Variants in GPD2 observed in about 807,000 individuals in gnomAD.
GPD2 encodes the protein glycerol-3-phosphate dehydrogenase 2.
A neutral mutation model predicts 82.4 loss-of-function variants in GPD2; 54 were observed. The observed-to-expected ratio is 0.66, with a 90% confidence interval of 0.53 to 0.82. The LOEUF is 0.82. Among genes scored for constraint, GPD2 ranks in the 40% least tolerant of loss-of-function variants. The pLI, the probability that GPD2 is intolerant of heterozygous loss-of-function variation, is 0.00. For synonymous variants in GPD2, 288 were observed against 306.1 expected (o/e 0.94, Z 0.62); for missense variants, 748 against 896.2 (o/e 0.83, Z 2.11).
intron 1 of GPD2, among the ~76,000 whole-genome samples, chr2:156,464,559 C>G (rs1236870483): frequency 6.6e-6 from 1 of 152,172 alleles, no homozygotes; most frequent in East Asian, 1.9e-4. Flanking sequence ...GTCTTCCCAC[C>G]ACAGCGCACT....
At position 156,584,791 on chromosome 2, in the gene GPD2, A is replaced by T. The variant is rs1688156404; in HGVS notation, c.*1873A>T. 1 of 152,444 alleles carries T rather than the reference A, an allele frequency of 6.6e-6. No individual in the cohort carries two copies. Among genetic ancestry groups the T allele is most frequent in the South Asian group, 2.1e-4 (1 of 4,836 alleles). 9.4% of individuals were successfully genotyped at this position (152,444 alleles called of 1,614,324 possible). On this transcript the variant is annotated 3_prime_UTR_variant, in exon 17 of 17. Transcript: ENST00000438166. ...GTTTCATTGTTTAGAACCCAGTGAC[A>T]CTTAATAGGTAGATAAATTGTCCTT...
At chr2:156,533,862 A>C (rs951701096) in intron 6 of GPD2, among the ~76,000 whole-genome samples, 2 of 152,208 alleles carry the variant, frequency 1.3e-5, no homozygotes, top group African/African-American at 2.4e-5. Context: ...TGCAGGAGCC[A>C]GGGTGAGCGC....
intron 1 of GPD2, among the ~76,000 whole-genome samples, chr2:156,447,896 A>C (rs569913965): frequency 6.6e-6 from 1 of 152,158 alleles, no homozygotes; most frequent in Non-Finnish European, 1.5e-5. Flanking sequence ...CCCTGATTTC[A>C]GTCAATCCCA....
chr2:156,527,689 CA>C (rs1234220828), intron 6 of GPD2, among the ~76,000 whole-genome samples: 1 of 151,904 alleles, frequency 6.6e-6, no homozygotes, highest in East Asian at 1.9e-4. Flanking sequence ...ATAATGAAAG[CA>C]ACTACCAAAT....
intron 8 of GPD2, among the ~76,000 whole-genome samples, chr2:156,556,974 T>C (rs887304935): frequency 6.6e-6 from 1 of 152,204 alleles, no homozygotes; most frequent in African/African-American, 2.4e-5. Flanking sequence ...GAAAATACTT[T>C]GGCTATTCTT....
At chr2:156,505,597 C>T (rs555332681) in intron 3 of GPD2, among the ~76,000 whole-genome samples, 10 of 152,176 alleles carry the variant, frequency 6.6e-5, no homozygotes, top group Non-Finnish European at 1.2e-4. Flanking sequence ...ACCTTCACTA[C>T]ATAGAGAGGC....
intron 6 of GPD2, among the ~76,000 whole-genome samples, chr2:156,539,811 A>G (rs1686235926): frequency 6.6e-6 from 1 of 152,258 alleles, no homozygotes; most frequent in Non-Finnish European, 1.5e-5. Context: ...CAGTCCTATT[A>G]TGAAAGATGG....
intron 2 of GPD2, among the ~76,000 whole-genome samples, chr2:156,492,531 T>C (rs1182337544): frequency 6.6e-6 from 1 of 151,420 alleles, no homozygotes; most frequent in African/African-American, 2.4e-5. Context: ...CTATATTCAG[T>C]TGGAAGCTCT....
intron 9 of GPD2, among the ~76,000 whole-genome samples, chr2:156,565,622 G>C (rs1558964511): frequency 6.6e-6 from 1 of 152,062 alleles, no homozygotes; most frequent in Non-Finnish European, 1.5e-5. Flanking sequence ...TTATGGGTTT[G>C]ATTAAACATC....
intron 6 of GPD2, among the ~76,000 whole-genome samples, chr2:156,540,333 C>T (rs950692773): frequency 1.3e-5 from 2 of 152,256 alleles, no homozygotes; most frequent in Admixed American, 6.5e-5. Flanking sequence ...ACCTCTAGAT[C>T]GAAGACTGTT....
At chr2:156,508,967 C>G (rs149185004) in intron 3 of GPD2, among the ~76,000 whole-genome samples, 1 of 152,250 alleles carries the variant, frequency 6.6e-6, no homozygotes, top group Admixed American at 6.5e-5. Flanking sequence ...GGGGAGATAC[C>G]TGACAGCCTA....
chr2:156,569,921 G>A (rs892100632), intron 11 of GPD2, among the ~76,000 whole-genome samples, 166 bp from the exon 12 acceptor site: 1 of 152,066 alleles, frequency 6.6e-6, no homozygotes, highest in Non-Finnish European at 1.5e-5. Context: ...CTAAGCATTC[G>A]AAGCCCAAGT....
At chr2:156,455,022 G>A (rs1682741610) in intron 1 of GPD2, among the ~76,000 whole-genome samples, 1 of 152,004 alleles carries the variant, frequency 6.6e-6, no homozygotes, top group Non-Finnish European at 1.5e-5. Context: ...TGTAACCCTG[G>A]GGGAGAGGGA....
chr2:156,539,796 T>G (rs1484664127), intron 6 of GPD2, among the ~76,000 whole-genome samples: 2 of 152,228 alleles, frequency 1.3e-5, no homozygotes, highest in East Asian at 3.8e-4. Context: ...TTCACTTGCT[T>G]TTCCCAGTCC....
chr2:156,458,814 A>AT (rs1269999771), intron 1 of GPD2, among the ~76,000 whole-genome samples: 1 of 151,994 alleles, frequency 6.6e-6, no homozygotes, highest in Non-Finnish European at 1.5e-5. Context: ...TATATTCCAC[A>AT]TTTTTTTCTA....
intron 6 of GPD2, among the ~76,000 whole-genome samples, chr2:156,527,192 A>C (rs1319906721): frequency 6.6e-6 from 1 of 152,160 alleles, no homozygotes; most frequent in Non-Finnish European, 1.5e-5. Flanking sequence ...CAGTAATAAA[A>C]ATATCTCTTC....
chr2:156,480,170 G>A (rs1683671357), intron 2 of GPD2, among the ~76,000 whole-genome samples: 1 of 152,170 alleles, frequency 6.6e-6, no homozygotes. Context: ...CCAGGCTGGT[G>A]GGAGAATGGA....
intron 1 of GPD2, among the ~76,000 whole-genome samples, chr2:156,470,432 C>G (rs1447335696): frequency 6.6e-6 from 1 of 152,128 alleles, no homozygotes; most frequent in Admixed American, 6.5e-5. Flanking sequence ...CTCCTGATAT[C>G]AAAGAATCCT....
the GPD2 span, among the ~76,000 whole-genome samples, chr2:156,428,367 G>A: frequency 3.9e-5 from 6 of 152,202 alleles, no homozygotes; most frequent in Non-Finnish European, 7.3e-5. Flanking sequence ...CTTTAGGAAG[G>A]CCACCTTTGT....
Sources: allele counts gnomAD v4.1 joint callset (sites outside exome capture counted in the v4.1 genomes callset), GRCh38; gene constraint gnomAD v4.1.1; transcripts MANE v1.5; gene names NCBI Gene and HGNC (gene_info 2026-07-23, HGNC 2026-07-21).